Variants in EPB41L3 observed in about 807,000 individuals in gnomAD.
EPB41L3 encodes band 4.1-like protein 3.
In EPB41L3, 57 loss-of-function variants were observed where a neutral mutation model predicts 127.1. The ratio of observed to expected loss-of-function variants is 0.45; its 90% CI spans 0.36 to 0.56. The LOEUF (loss-of-function observed/expected upper bound fraction) is 0.56, where lower values mean the gene tolerates loss of function less well. Ranked by LOEUF, EPB41L3 falls within the 20% of genes least tolerant of loss-of-function variation. The pLI, the probability that EPB41L3 is intolerant of heterozygous loss-of-function variation, is 0.00. For missense variants in EPB41L3, 1,273 were observed against 1,372.2 expected (o/e 0.93, Z 1.14); for synonymous variants, 572 against 549.5 (o/e 1.04, Z -0.57).
chr18:5,510,898 T>C lies in EPB41L3; in HGVS notation c.-11-21704A>G, dbSNP rs139693478. ...ACCTTAAAAGCTAGCTCTATCTGCC[T>C]ACTTATTTAGGAGAGGAATAAAGGA... On this transcript the variant is annotated intron_variant, in intron 1 of 22. Transcript: ENST00000341928. 5.5e-4 allele frequency among the ~76,000 whole-genome samples: 84 copies of C among 152,300 alleles called. 1 individual carries two copies. In the East Asian group the frequency reaches 0.015, roughly 28 times the overall value.
intron 3 of EPB41L3, among the ~76,000 whole-genome samples, chr18:5,605,579 T>A (rs1235329008): frequency 6.6e-6 from 1 of 152,008 alleles, no homozygotes; most frequent in East Asian, 1.9e-4. Context: ...TAGTTCTCTT[T>A]AATTTTTAGT....
At chr18:5,629,381 C>G (rs891496962), upstream of EPB41L3, among the ~76,000 whole-genome samples, 3 of 151,246 alleles carry the variant, frequency 2.0e-5, no homozygotes, top group Admixed American at 6.6e-5. Context: ...GCGCCTCTGC[C>G]TCCCGGAGGA....
intron 3 of EPB41L3, among the ~76,000 whole-genome samples, chr18:5,476,687 A>C (rs2087300655): frequency 6.6e-6 from 1 of 152,056 alleles, no homozygotes; most frequent in South Asian, 2.1e-4. Context: ...ACTTGGATCA[A>C]TTTTTCCAGA....
intron 4 of EPB41L3, among the ~76,000 whole-genome samples, chr18:5,444,903 A>C (rs2081273263): frequency 6.6e-6 from 1 of 152,198 alleles, no homozygotes; most frequent in African/African-American, 2.4e-5. Flanking sequence ...CAAATAATTC[A>C]AGCATGAAAA....
At chr18:5,482,584 A>G (rs74316319) in intron 2 of EPB41L3, among the ~76,000 whole-genome samples, 6,492 of 152,270 alleles carry the variant, frequency 0.043, 351 homozygotes, top group East Asian at 0.15. Context: ...AAGAACAAAG[A>G]CAGAACCCTA....
At chr18:5,493,416 T>A (rs1417575668) in intron 1 of EPB41L3, among the ~76,000 whole-genome samples, 1 of 152,178 alleles carries the variant, frequency 6.6e-6, no homozygotes, top group Non-Finnish European at 1.5e-5. Flanking sequence ...TTCTTTTATA[T>A]TTCAAGTGTA....
chr18:5,407,638 A>AATGACTTATC, intron 15 of EPB41L3, 63 bp downstream of exon 15: 1 of 1,552,068 alleles, frequency 6.4e-7, no homozygotes, highest in Non-Finnish European at 8.9e-7. Context: ...GTAGACAAAC[A>AATGACTTATC]ATGACTTATC....
At chr18:5,619,443 C>T (rs2094835650) in intron 1 of EPB41L3, among the ~76,000 whole-genome samples, 1 of 152,120 alleles carries the variant, frequency 6.6e-6, no homozygotes, top group Non-Finnish European at 1.5e-5. Context: ...GTGGGTCAGA[C>T]ACTTTTTCCC....
intron 12 of EPB41L3, among the ~76,000 whole-genome samples, chr18:5,417,074 T>A (rs868773550): frequency 7.2e-5 from 11 of 152,196 alleles, no homozygotes; most frequent in Non-Finnish European, 2.9e-5. Context: ...ATTTAGGATA[T>A]TAGTGGAACT....
chr18:5,440,719 T>C (rs1490731365), intron 5 of EPB41L3, among the ~76,000 whole-genome samples: 1 of 152,212 alleles, frequency 6.6e-6, no homozygotes, highest in Middle Eastern at 3.2e-3. Flanking sequence ...ATATACTGCA[T>C]TTATATCATA....
chr18:5,612,145 G>T (rs2094733963), intron 3 of EPB41L3, among the ~76,000 whole-genome samples: 1 of 151,454 alleles, frequency 6.6e-6, no homozygotes, highest in African/African-American at 2.4e-5. Context: ...TGGCCACCCT[G>T]TGTAGACCCA....
intron 2 of EPB41L3, among the ~76,000 whole-genome samples, chr18:5,487,906 A>C (rs146755963): frequency 6.6e-6 from 1 of 152,202 alleles, no homozygotes; most frequent in African/African-American, 2.4e-5. Context: ...TGCTGATTAT[A>C]TCTCTTATCT....
rs2072669713 is a variant in EPB41L3 at position 5,393,122 on chromosome 18, T to TAAA, written c.*360_*362dup. The TAAA allele has an allele frequency of 4.6e-6, 1 of 218,558 alleles. No individual in the cohort carries two copies. Among genetic ancestry groups the TAAA allele is most frequent in the Non-Finnish European group, 8.9e-6 (1 of 112,266 alleles). The allele number at this position is 218,558 out of a possible 1,614,324, so 13.5% of individuals were successfully genotyped here. ...AATTTTGTTTAGACTTTAATAATAA[T>TAAA]AAACTATGAAAGGCATGAATTGTTT... On this transcript the variant is annotated 3_prime_UTR_variant, in exon 23 of 23. Transcript: ENST00000341928.
chr18:5,497,672 A>G (rs2091302683), intron 1 of EPB41L3, among the ~76,000 whole-genome samples: 1 of 152,226 alleles, frequency 6.6e-6, no homozygotes, highest in East Asian at 1.9e-4. Context: ...ATCATTCATG[A>G]ACCCGATATC....
chr18:5,454,480 T>C (rs1023832877), intron 3 of EPB41L3, among the ~76,000 whole-genome samples: 1 of 152,174 alleles, frequency 6.6e-6, no homozygotes, highest in African/African-American at 2.4e-5. Flanking sequence ...CAGAATCCAT[T>C]CTCAAGAGGC....
chr18:5,407,046 AG>A (rs1171677085), intron 15 of EPB41L3, 78 bp from the exon 16 acceptor site: 10 of 1,386,386 alleles, frequency 7.2e-6, no homozygotes, highest in Non-Finnish European at 8.1e-6. Context: ...TTGCTTTAAA[AG>A]TAATGTCAAT....
intron 3 of EPB41L3, among the ~76,000 whole-genome samples, chr18:5,605,914 GAAGT>G: frequency 6.6e-6 from 1 of 152,254 alleles, no homozygotes; most frequent in African/African-American, 2.4e-5. Flanking sequence ...AGGTAAAGAC[GAAGT>G]AAGGAGTTGG....
intron 1 of EPB41L3, among the ~76,000 whole-genome samples, chr18:5,542,688 T>C (rs995844351): frequency 6.6e-6 from 1 of 152,156 alleles, no homozygotes; most frequent in African/African-American, 2.4e-5. Context: ...CAACAATCTC[T>C]ACCAACTTTA....
At chr18:5,556,631 G>A (rs1418889772) in intron 3 of EPB41L3, among the ~76,000 whole-genome samples, 1 of 152,122 alleles carries the variant, frequency 6.6e-6, no homozygotes, top group Non-Finnish European at 1.5e-5. Flanking sequence ...TTTGTACAGC[G>A]ATCTGTGATG....
Sources: gnomAD v4.1 joint callset for allele counts (sites outside exome capture counted in the v4.1 genomes callset) on GRCh38, gnomAD v4.1.1 for gene constraint, MANE v1.5 for transcripts, NCBI Gene and HGNC (gene_info 2026-07-23, HGNC 2026-07-21) for gene names.